Variants in RALYL observed in about 807,000 individuals in gnomAD.
RALYL encodes RALY RNA binding protein like, also known as RNA-binding Raly-like protein.
In RALYL, 29 loss-of-function variants were observed where a neutral mutation model predicts 35.1. The observed-to-expected ratio is 0.83, with a 90% CI of 0.61 to 1.13. RALYL has a LOEUF of 1.13. RALYL is among the 50% of genes most tolerant of loss of function. RALYL has a pLI of 0.00. For missense variants in RALYL, 359 were observed against 360.4 expected, an observed-to-expected ratio of 1.00 and a Z score of 0.03; for synonymous variants, 120 against 127.6, an observed-to-expected ratio of 0.94 and a Z score of 0.40.
intron 2 of RALYL, among the ~76,000 whole-genome samples, chr8:84,700,320 A>G (rs1205670764): frequency 6.6e-6 from 1 of 152,168 alleles, no homozygotes; most frequent in Non-Finnish European, 1.5e-5. Context: ...TAAATATTTC[A>G]GAATCATAAT....
intron 2 of RALYL, among the ~76,000 whole-genome samples, chr8:84,579,305 A>G (rs929174390): frequency 6.6e-6 from 1 of 152,164 alleles, no homozygotes; most frequent in Non-Finnish European, 1.5e-5. Flanking sequence ...TGGGCAGAGG[A>G]CAGGCAATGG....
At chr8:84,769,174 C>G (rs1363278513) in intron 2 of RALYL, among the ~76,000 whole-genome samples, 1 of 152,144 alleles carries the variant, frequency 6.6e-6, no homozygotes, top group Non-Finnish European at 1.5e-5. Context: ...TTGTAGAAAT[C>G]TGTTTTTATT....
chr8:84,584,405 C>A (rs1052178389), intron 2 of RALYL, among the ~76,000 whole-genome samples: 3 of 152,018 alleles, frequency 2.0e-5, no homozygotes, highest in Non-Finnish European at 4.4e-5. Flanking sequence ...GAGATAGAGA[C>A]CACCCTGGCC....
chr8:84,216,719 T>G (rs774762053), intron 1 of RALYL, among the ~76,000 whole-genome samples: 2 of 151,426 alleles, frequency 1.3e-5, no homozygotes, highest in Non-Finnish European at 2.9e-5. Context: ...TAGTCACATG[T>G]GGCTAATGAT....
intron 1 of RALYL, among the ~76,000 whole-genome samples, chr8:84,345,701 C>G (rs1849714060): frequency 6.6e-6 from 1 of 152,066 alleles, no homozygotes; most frequent in African/African-American, 2.4e-5. Flanking sequence ...AAACACATCT[C>G]ATTCACTTCC....
At chr8:84,507,801 A>G (rs1315234809) in intron 1 of RALYL, among the ~76,000 whole-genome samples, 2 of 152,162 alleles carry the variant, frequency 1.3e-5, no homozygotes, top group Non-Finnish European at 2.9e-5. Flanking sequence ...TTTACATTTC[A>G]TACAGTGATT....
intron 1 of RALYL, among the ~76,000 whole-genome samples, chr8:84,527,667 T>C (rs1350284186): frequency 6.6e-6 from 1 of 152,188 alleles, no homozygotes; most frequent in African/African-American, 2.4e-5. Context: ...TGTCTTGAGA[T>C]ATACAATATC....
In RALYL at chr8:84,201,541, GA is replaced by G. The variant is rs1816845605; in HGVS notation, c.-24+17118del. 3.3e-5 allele frequency among the ~76,000 whole-genome samples: 5 copies of G among 151,820 alleles called. No homozygotes were observed. In the South Asian group the frequency reaches 1.0e-3, roughly 32 times the overall value. On this transcript the variant is annotated intron_variant, in intron 1 of 8. Coordinates refer to ENST00000521268, the MANE Select transcript of RALYL (RefSeq NM_173848.7). ...TAGTTATTTAGTTGCCTAATTGGGG[GA>G]GTAGTTTTCATTCATTTTGCTTTTC...
intron 1 of RALYL, among the ~76,000 whole-genome samples, chr8:84,296,350 T>C (rs1839737180): frequency 6.6e-6 from 1 of 152,086 alleles, no homozygotes; most frequent in South Asian, 2.1e-4. Flanking sequence ...AATTCAAGAC[T>C]AAAAGGTTCC....
chr8:84,827,463 A>C (rs1829959898), intron 4 of RALYL, among the ~76,000 whole-genome samples: 1 of 152,150 alleles, frequency 6.6e-6, no homozygotes, highest in Non-Finnish European at 1.5e-5. Flanking sequence ...AGACAATAGA[A>C]GAATGCCTTT....
intron 1 of RALYL, among the ~76,000 whole-genome samples, chr8:84,235,341 T>C (rs1257090762): frequency 6.6e-6 from 1 of 152,212 alleles, no homozygotes; most frequent in Non-Finnish European, 1.5e-5. Flanking sequence ...ACTTTAGACA[T>C]AGATATTCAT....
intron 2 of RALYL, among the ~76,000 whole-genome samples, chr8:84,598,394 C>T (rs887346593): frequency 7.9e-5 from 12 of 152,102 alleles, no homozygotes; most frequent in African/African-American, 2.4e-4. Flanking sequence ...GAGATCATCT[C>T]CTCCAGGGAA....
At chr8:84,358,699 T>C (rs1586579851) in intron 1 of RALYL, among the ~76,000 whole-genome samples, 2 of 152,070 alleles carry the variant, frequency 1.3e-5, no homozygotes, top group East Asian at 1.9e-4. Context: ...ATGGCTTAAC[T>C]GCACTGGTGA....
At chr8:84,290,276 G>A (rs191511248) in intron 1 of RALYL, among the ~76,000 whole-genome samples, 159 of 152,206 alleles carry the variant, frequency 1.0e-3, no homozygotes, top group African/African-American at 3.5e-3. Flanking sequence ...TCTTGGTTGT[G>A]GCACTTTGAT....
At chr8:84,686,972 T>C (rs139398392) in intron 2 of RALYL, among the ~76,000 whole-genome samples, 1 of 152,182 alleles carries the variant, frequency 6.6e-6, no homozygotes, top group South Asian at 2.1e-4. Context: ...CATTAAATAT[T>C]ACAAATAGTC....
At chr8:84,303,336 A>G (rs933460545) in intron 1 of RALYL, among the ~76,000 whole-genome samples, 1 of 152,234 alleles carries the variant, frequency 6.6e-6, no homozygotes, top group African/African-American at 2.4e-5. Flanking sequence ...GTTAAAATTT[A>G]GTAATGAAGA....
chr8:84,565,856 C>T (rs1251515340), intron 2 of RALYL, among the ~76,000 whole-genome samples: 1 of 151,520 alleles, frequency 6.6e-6, no homozygotes, highest in African/African-American at 2.4e-5. Flanking sequence ...TGTGTTAATA[C>T]CACCTACCTT....
intron 2 of RALYL, among the ~76,000 whole-genome samples, chr8:84,553,688 G>C (rs1177203279): frequency 1.3e-5 from 2 of 151,620 alleles, no homozygotes; most frequent in Admixed American, 1.3e-4. Flanking sequence ...AACCTCTAAA[G>C]TAACATTTTC....
intron 1 of RALYL, among the ~76,000 whole-genome samples, chr8:84,424,549 T>C (rs1305401248): frequency 4.0e-5 from 6 of 150,940 alleles, no homozygotes; most frequent in Non-Finnish European, 1.5e-5. Context: ...TTCTCTCAGC[T>C]CGTCAAAGTC....
Sources: gnomAD v4.1 joint callset for allele counts (sites outside exome capture counted in the v4.1 genomes callset) on GRCh38, gnomAD v4.1.1 for gene constraint, MANE v1.5 for transcripts, NCBI Gene and HGNC (gene_info 2026-07-23, HGNC 2026-07-21) for gene names.